The following YJU2 variants were observed in gnomAD, a reference collection of about 807,000 sequenced individuals.
The protein encoded by YJU2 is YJU2 splicing factor homolog, also known as splicing factor YJU2.
A neutral mutation model predicts 39.6 loss-of-function variants in YJU2; 28 were observed. The observed-to-expected ratio is 0.71, with a 90% CI of 0.52 to 0.97. The LOEUF (loss-of-function observed/expected upper bound fraction) is 0.97, where lower values mean the gene tolerates loss of function less well. Ranked by LOEUF, YJU2 falls within the 50% of genes least tolerant of loss-of-function variation. The pLI, the probability that YJU2 is intolerant of heterozygous loss-of-function variation, is 0.00. For missense variants in YJU2, 328 were observed against 430.4 expected, an observed-to-expected ratio of 0.76 and a Z score of 2.11; for synonymous variants, 184 against 182.4, an observed-to-expected ratio of 1.01 and a Z score of -0.07.
At chr19:4,265,732 G>A (rs1971110198) in intron 6 of YJU2, among the ~76,000 whole-genome samples, 1 of 151,538 alleles carries the variant, frequency 6.6e-6, no homozygotes, top group South Asian at 2.1e-4. Context: ...GGGATTACAG[G>A]CGTGTGCTAC....
chr19:4,263,377 C>T (rs908752290), intron 6 of YJU2, among the ~76,000 whole-genome samples: 1 of 152,136 alleles, frequency 6.6e-6, no homozygotes, highest in East Asian at 1.9e-4. Context: ...TGGAGGACCA[C>T]GCAGCCTCAG....
rs868868900 is a variant in YJU2, at chr19:4,250,590, G to A, written c.126-437G>A. Among the ~76,000 whole-genome samples, 7 of 152,172 alleles carry A rather than the reference G, an allele frequency of 4.6e-5. No individual in the cohort carries two copies. In the South Asian group the frequency reaches 1.2e-3, roughly 27 times the overall value. On this transcript the variant is annotated intron_variant, in intron 2 of 7. Coordinates refer to ENST00000262962, the MANE Select transcript of YJU2 (RefSeq NM_018074.6). ...GAGACTGTAGGAGCAGAGGCCTTGA[G>A]CTGGGACTGAGCTGGGGGTGTTTGC...
At chr19:4,250,789 C>T (rs1970969694) in intron 2 of YJU2, among the ~76,000 whole-genome samples, 1 of 152,048 alleles carries the variant, frequency 6.6e-6, no homozygotes, top group Admixed American at 6.6e-5. Flanking sequence ...CTCACCTACT[C>T]AGGGGGCTTC....
At chr19:4,259,411 G>T (rs1228904329) in intron 5 of YJU2, among the ~76,000 whole-genome samples, 1 of 147,682 alleles carries the variant, frequency 6.8e-6, no homozygotes, top group Admixed American at 6.7e-5. Context: ...ACGGGGTTTT[G>T]CTCTGCCGCC....
At chr19:4,247,289 A>C in intron 1 of YJU2, 119 bp downstream of exon 1, 1 of 891,610 alleles carries the variant, frequency 1.1e-6, no homozygotes, top group Non-Finnish European at 1.8e-6. Flanking sequence ...GCCTTCCGCG[A>C]GATGGGGCTT....
chr19:4,249,005 G>A (rs1332215104), intron 1 of YJU2, among the ~76,000 whole-genome samples: 1 of 152,120 alleles, frequency 6.6e-6, no homozygotes, highest in Non-Finnish European at 1.5e-5. Context: ...TGGTATTTAG[G>A]AGAATTAAAT....
intron 4 of YJU2, among the ~76,000 whole-genome samples, chr19:4,256,683 G>T (rs373437621): frequency 6.6e-6 from 1 of 152,324 alleles, no homozygotes; most frequent in South Asian, 2.1e-4. Context: ...TGCAGTCAAG[G>T]TGTTGGCCAG....
chr19:4,265,831 T>TC (rs1971110962), intron 6 of YJU2, among the ~76,000 whole-genome samples: 1 of 152,060 alleles, frequency 6.6e-6, no homozygotes, highest in African/African-American at 2.4e-5. Context: ...ACTCTTGACC[T>TC]CAAGTGGTCC....
intron 5 of YJU2, among the ~76,000 whole-genome samples, chr19:4,260,107 G>T (rs1258167454): frequency 6.6e-6 from 1 of 152,090 alleles, no homozygotes; most frequent in Non-Finnish European, 1.5e-5. Context: ...ACTGCCCTCG[G>T]TGGACACGGA....
chr19:4,256,854 G>A (rs976769521), intron 4 of YJU2, among the ~76,000 whole-genome samples: 2 of 152,176 alleles, frequency 1.3e-5, no homozygotes, highest in Non-Finnish European at 2.9e-5. Flanking sequence ...TGTGACCCAA[G>A]AGTGAGAGCA....
chr19:4,268,172 C>T (rs570620230), intron 7 of YJU2, among the ~76,000 whole-genome samples: 34 of 152,076 alleles, frequency 2.2e-4, no homozygotes, highest in Admixed American at 4.6e-4. Flanking sequence ...CTGGAACTCC[C>T]GACCTCAGGT....
chr19:4,260,757 G>A (rs550826488), intron 5 of YJU2, among the ~76,000 whole-genome samples: 57 of 152,166 alleles, frequency 3.7e-4, no homozygotes, highest in Admixed American at 3.3e-3. Flanking sequence ...ACTGCATCTG[G>A]CCCCTTTAAT....
intron 4 of YJU2, among the ~76,000 whole-genome samples, chr19:4,255,900 A>G (rs1971015884): frequency 6.6e-6 from 1 of 151,660 alleles, no homozygotes; most frequent in Non-Finnish European, 1.5e-5. Flanking sequence ...CAAGCTACTC[A>G]GGAGGCTGAG....
At chr19:4,251,277 A>C in intron 3 of YJU2, 106 bp downstream of exon 3, 2,068 of 1,022,650 alleles carry the variant, frequency 2.0e-3, no homozygotes, top group Non-Finnish European at 2.7e-3. Flanking sequence ...AGGGAATCTC[A>C]TTTCAGTTTA....
intron 3 of YJU2, among the ~76,000 whole-genome samples, chr19:4,253,356 C>G (rs115215743): frequency 6.6e-6 from 1 of 152,078 alleles, no homozygotes; most frequent in Non-Finnish European, 1.5e-5. Context: ...GCAGGAGGAT[C>G]GGTTGAGTCC....
rs532350903 is a variant in YJU2, at chr19:4,257,664, G to A, written c.406-578G>A. ...ACTTTTTGTATTTTTAGTAGAGATG[G>A]GGTTTCGTCATGTTGGCCAGGCTGG... On this transcript the variant is annotated intron_variant, in intron 4 of 7. Transcript: ENST00000262962. Among the ~76,000 whole-genome samples, 14 of 152,148 alleles carry A rather than the reference G, an allele frequency of 9.2e-5. No individual in the cohort carries two copies. In the South Asian group the frequency reaches 1.2e-3, roughly 14 times the overall value.
rs150454363 is a variant in YJU2 at position 4,268,635 on chromosome 19, C to T, written c.911C>T (p.Ala304Val). 137 of 1,613,814 alleles carry T rather than the reference C, an allele frequency of 8.5e-5. No homozygotes were observed. Among genetic ancestry groups the T allele is most frequent in the Non-Finnish European group, 1.1e-4 (134 of 1,179,944 alleles). ...AACCCTACACCCCTGACGCCTGGCG[C>T]GTCCTCCCTGAGCCAACTGGGTGCA... ...EANPTPLTPG[A>V]SSLSQLGAYL... Residue 304 changes from alanine to valine, a missense_variant, in exon 8 of 8, where the codon GCG (alanine) becomes GTG (valine). Around this residue, in one of 2 missense-constraint regions of YJU2, gnomAD observed 244 missense variants for 264.6 expected, o/e 0.92. Transcript: ENST00000262962.
intron 6 of YJU2, among the ~76,000 whole-genome samples, chr19:4,264,155 A>G (rs187724879): frequency 0.029 from 4,224 of 144,544 alleles, 122 homozygotes; most frequent in Middle Eastern, 0.089. Context: ...CCAGCTACTC[A>G]GGAGGCTGAG....
At position 4,267,789 on chromosome 19, in the gene YJU2, T is replaced by C. The variant is rs1162610327; in HGVS notation, c.859+15T>C. 1 of 1,605,462 alleles carries C rather than the reference T, an allele frequency of 6.2e-7. No homozygotes were observed. The highest frequency in any genetic ancestry group is 1.7e-5 in the Admixed American group (1 of 59,036). On this transcript the variant is annotated intron_variant, in intron 7 of 7. Coordinates refer to ENST00000262962, the MANE Select transcript of YJU2 (RefSeq NM_018074.6). Reference sequence around the variant, plus strand: ...CCCCACCCCAGGTAAGGTCACAGAGTTCCCAGAGCCGGGCGCGGTTTCTAT... The same window carrying C: ...CCCCACCCCAGGTAAGGTCACAGAGCTCCCAGAGCCGGGCGCGGTTTCTAT...
Sources: allele counts gnomAD v4.1 joint callset (sites outside exome capture counted in the v4.1 genomes callset), GRCh38; gene constraint gnomAD v4.1.1; regional missense constraint gnomAD v4.1.1; transcripts MANE v1.5; gene names NCBI Gene and HGNC (gene_info 2026-07-23, HGNC 2026-07-21).